MTCL2: variants seen among roughly 807,000 people sequenced by gnomAD.
The protein encoded by MTCL2 is microtubule crosslinking factor 2.
At chr20:36,797,351 T>C in the MTCL2 span, 1 of 704,012 alleles carries the variant, frequency 1.4e-6, no homozygotes, top group Non-Finnish European at 2.3e-6. Flanking sequence ...GCAGGAACCA[T>C]GAGATACAGA....
the MTCL2 span, among the ~76,000 whole-genome samples, chr20:36,832,833 A>G: frequency 1.3e-5 from 2 of 152,066 alleles, no homozygotes; most frequent in South Asian, 4.1e-4. Flanking sequence ...ACAGAGCAAT[A>G]CTTTGTCTCA....
chr20:36,805,817 G>C, the MTCL2 span: 1 of 1,522,182 alleles, frequency 6.6e-7, no homozygotes. Flanking sequence ...AGGAATGAAT[G>C]GACACAACAG....
At chr20:36,828,444 A>C in the MTCL2 span, among the ~76,000 whole-genome samples, 1 of 152,162 alleles carries the variant, frequency 6.6e-6, no homozygotes, top group African/African-American at 2.4e-5. Flanking sequence ...CTGTATACCC[A>C]ACACACAACA....
At chr20:36,837,112 C>T in the MTCL2 span, among the ~76,000 whole-genome samples, 3 of 152,236 alleles carry the variant, frequency 2.0e-5, no homozygotes, top group East Asian at 5.8e-4. Flanking sequence ...TGCCACCTTC[C>T]TCTTTCCCCC....
At chr20:36,812,986 C>A in the MTCL2 span, 1 of 1,020,590 alleles carries the variant, frequency 9.8e-7, no homozygotes, top group Non-Finnish European at 1.4e-6. Flanking sequence ...CTGGTAGATT[C>A]ACCTCTGCAA....
chr20:36,830,443 C>A, the MTCL2 span, among the ~76,000 whole-genome samples: 1 of 152,154 alleles, frequency 6.6e-6, no homozygotes, highest in Non-Finnish European at 1.5e-5. Flanking sequence ...TGGCACACAC[C>A]TACAGGCCCA....
the MTCL2 span, among the ~76,000 whole-genome samples, chr20:36,790,433 T>A: frequency 2.7e-5 from 4 of 145,536 alleles, no homozygotes; most frequent in Admixed American, 1.4e-4. Context: ...TGGCCCTTTT[T>A]TTTTTTTTTT....
At chr20:36,799,674 C>A in the MTCL2 span, among the ~76,000 whole-genome samples, 5 of 151,522 alleles carry the variant, frequency 3.3e-5, no homozygotes, top group Non-Finnish European at 7.4e-5. Flanking sequence ...CAGAGCAAGA[C>A]CTTGTCTCAA....
At chr20:36,848,965 A>G in the MTCL2 span, among the ~76,000 whole-genome samples, 1 of 151,784 alleles carries the variant, frequency 6.6e-6, no homozygotes, top group South Asian at 2.1e-4. Context: ...TGCTAGTTAG[A>G]TCTGTCACCA....
the MTCL2 span, among the ~76,000 whole-genome samples, chr20:36,799,975 G>GT: frequency 2.0e-4 from 30 of 152,332 alleles, no homozygotes; most frequent in East Asian, 5.6e-3. Context: ...GTGGAGCCAG[G>GT]TAAGGACTGG....
the MTCL2 span, chr20:36,784,408 C>T: frequency 2.3e-5 from 23 of 985,534 alleles, no homozygotes; most frequent in South Asian, 4.7e-5. Context: ...CAGGTGATCC[C>T]GAATGGGTGG....
the MTCL2 span, among the ~76,000 whole-genome samples, chr20:36,841,886 T>TGG: frequency 7.2e-6 from 1 of 138,906 alleles, no homozygotes; most frequent in South Asian, 2.2e-4. Context: ...TGTGTGTGTG[T>TGG]GTGTGTGTGT....
At chr20:36,859,787 G>A in the MTCL2 span, 2 of 1,231,716 alleles carry the variant, frequency 1.6e-6, no homozygotes, top group Non-Finnish European at 2.0e-6. Context: ...TCCTGCAGGG[G>A]ACATACTGGG....
the MTCL2 span, among the ~76,000 whole-genome samples, chr20:36,789,933 T>A: frequency 2.6e-5 from 4 of 151,412 alleles, no homozygotes; most frequent in Non-Finnish European, 4.4e-5. Flanking sequence ...CATGCCTCAA[T>A]CACCCAAGTG....
the MTCL2 span, among the ~76,000 whole-genome samples, chr20:36,824,133 G>GAGA: frequency 3.3e-5 from 5 of 152,076 alleles, no homozygotes; most frequent in Non-Finnish European, 7.4e-5. Flanking sequence ...TCCTGGGTTT[G>GAGA]AATCCCATCT....
chr20:36,858,037 C>T, the MTCL2 span, among the ~76,000 whole-genome samples: 4 of 152,112 alleles, frequency 2.6e-5, no homozygotes, highest in African/African-American at 9.7e-5. Flanking sequence ...TAGCCTAGAG[C>T]CTGGCCCATG....
At chr20:36,793,885 G>A in the MTCL2 span, 1 of 1,550,368 alleles carries the variant, frequency 6.5e-7, no homozygotes, top group Non-Finnish European at 8.7e-7. The surrounding 1 kb of genome is among the most constrained non-coding windows in gnomAD (Gnocchi z 6.8). Flanking sequence ...CCTTGCCATG[G>A]AGGCTGCTGC....
At chr20:36,859,695 A>G in the MTCL2 span, 6 of 1,231,736 alleles carry the variant, frequency 4.9e-6, no homozygotes, top group Non-Finnish European at 6.1e-6. Flanking sequence ...CGCAGTTGAC[A>G]GTTCCCAGTG....
chr20:36,819,780 T>C, the MTCL2 span, among the ~76,000 whole-genome samples: 1 of 152,022 alleles, frequency 6.6e-6, no homozygotes. Context: ...CTCAATCAAA[T>C]CCTAAAGAGA....
Sources: gnomAD v4.1 joint callset for allele counts (sites outside exome capture counted in the v4.1 genomes callset) on GRCh38, gnomAD v4.1.1 for gene constraint, Gnocchi (gnomAD v3.1) non-coding constraint, MANE v1.5 for transcripts, NCBI Gene and HGNC (gene_info 2026-07-23, HGNC 2026-07-21) for gene names.